The following SSU72 variants were observed in gnomAD, a reference collection of about 807,000 sequenced individuals.
SSU72 encodes SSU72 homolog, RNA polymerase II CTD phosphatase.
A neutral mutation model predicts 22.7 loss-of-function variants in SSU72; 12 were observed. The ratio of observed to expected loss-of-function variants is 0.53; its 90% CI spans 0.34 to 0.86. The LOEUF is 0.86. SSU72 is among the 40% of genes least tolerant of loss of function. The probability of loss-of-function intolerance (pLI) is 0.02; values close to 1 mark genes in which losing one functional copy is unlikely to be tolerated. For missense variants in SSU72, 151 were observed against 249.8 expected (o/e 0.60, Z 2.67); for synonymous variants, 116 against 98.3 (o/e 1.18, Z -1.06).
intron 1 of SSU72, among the ~76,000 whole-genome samples, chr1:1,567,907 T>C (rs1286746086): frequency 4.2e-5 from 2 of 47,848 alleles, no homozygotes; most frequent in Non-Finnish European, 6.0e-5. Flanking sequence ...AGCGATACTC[T>C]GTTTCAAAAA....
rs574966308 is a variant in SSU72 at position 1,554,511 on chromosome 1, T to C, written c.225-9509A>G. Among the ~76,000 whole-genome samples, 1 of 152,198 alleles carries C rather than the reference T, an allele frequency of 6.6e-6. No homozygotes were observed. The highest frequency in any genetic ancestry group is 2.4e-5 in the African/African-American group (1 of 41,538). The stretch of plus-strand genomic sequence containing the variant: ...TACCAGGAAACGCCCCAAACACAGC[T>C]CGGTTTTCCTTACCAAGGTTTTCTC... On this transcript the variant is annotated intron_variant, in intron 2 of 4. Coordinates refer to ENST00000291386, the MANE Select transcript of SSU72 (RefSeq NM_014188.3). This position sits in a 1 kb window ranked among gnomAD's most constrained non-coding sequence, Gnocchi z 4.1.
chr1:1,557,280 G>A (rs570508197), intron 2 of SSU72, among the ~76,000 whole-genome samples: 2 of 152,246 alleles, frequency 1.3e-5, no homozygotes, highest in African/African-American at 4.8e-5. Context: ...GGGTGTGGCA[G>A]TGCATGCCTA....
At chr1:1,550,068 C>A (rs35093489) in intron 2 of SSU72, among the ~76,000 whole-genome samples, 73,318 of 149,734 alleles carry the variant, frequency 0.49, 22,534 homozygotes, top group East Asian at 0.86. Flanking sequence ...ATTCCAGCCT[C>A]CTCCGGAGGC....
At chr1:1,567,360 T>C (rs1268135877) in intron 1 of SSU72, among the ~76,000 whole-genome samples, 2 of 152,074 alleles carry the variant, frequency 1.3e-5, no homozygotes, top group Non-Finnish European at 2.9e-5. Context: ...TCTCCAAACA[T>C]CTACCACACA....
chr1:1,556,236 T>G (rs1003713723), intron 2 of SSU72, among the ~76,000 whole-genome samples: 1 of 152,130 alleles, frequency 6.6e-6, no homozygotes, highest in African/African-American at 2.4e-5. Context: ...ATGGAGACCA[T>G]CCTGGCTAAC....
Position 1,546,864 on chromosome 1 carries a change from A to C in SSU72, c.225-1862T>G, listed in dbSNP as rs1366922017. ...TCTGGAAAACAACAACAACAACAAA[A>C]AAAAAAAAAAAAAAAAAAAAGGCCG... On this transcript the variant is annotated intron_variant, in intron 2 of 4. Coordinates refer to ENST00000291386, the MANE Select transcript of SSU72 (RefSeq NM_014188.3). Among the ~76,000 whole-genome samples the C allele has an allele frequency of 7.3e-4, 82 of 112,350 alleles. 1 individual carries two copies. In the South Asian group the frequency reaches 0.017, roughly 24 times the overall value. 73.7% of individuals were successfully genotyped at this position (112,350 alleles called of 152,430 possible).
Position 1,547,061 on chromosome 1 carries a change from G to A in SSU72, c.225-2059C>T, listed in dbSNP as rs114876684. Reference sequence around the variant, plus strand: ...GAAAAGAAAAAAAAGAGCTCAAGACGGCCTGACCTTGTTGTGTGCAGCCAC... The same window carrying A: ...GAAAAGAAAAAAAAGAGCTCAAGACAGCCTGACCTTGTTGTGTGCAGCCAC... On this transcript the variant is annotated intron_variant, in intron 2 of 4. Transcript: ENST00000291386. Among the ~76,000 whole-genome samples the A allele has an allele frequency of 4.0e-3, 615 of 151,938 alleles. 5 individuals carry two copies. Among genetic ancestry groups the A allele is most frequent in the Middle Eastern group, 0.014 (4 of 294 alleles).
chr1:1,574,444 C>CGG (rs1642782322), intron 1 of SSU72, 34 bp downstream of exon 1: 1 of 1,570,514 alleles, frequency 6.4e-7, no homozygotes, highest in Admixed American at 1.8e-5. Flanking sequence ...GTCGCCGGAG[C>CGG]AGAGCGCGCG....
chr1:1,557,561 A>G (rs1418393354), intron 2 of SSU72, among the ~76,000 whole-genome samples: 1 of 152,218 alleles, frequency 6.6e-6, no homozygotes, highest in Admixed American at 6.5e-5. Context: ...TGGAAGGCCA[A>G]AACAGGTGGT....
Position 1,574,745 on chromosome 1 carries a change from G to A in SSU72, c.-188C>T, listed in dbSNP as rs1228082275. 5.4e-5 allele frequency: 21 copies of A among 390,396 alleles called. 1 individual carries two copies. The highest frequency in any genetic ancestry group is 3.1e-4 in the East Asian group (6 of 19,330). The allele number at this position is 390,396 out of a possible 1,614,324, so 24.2% of individuals were successfully genotyped here. A position where few individuals can be genotyped will look rare whatever the true frequency, so the allele number is the denominator to read the frequency against. ...CCCTGGGCGCCGGGCCGCGGACGGAGCGCAGGCACTGGCCTTCGGGCGCGC... is the reference window on the plus strand; with the variant it reads ...CCCTGGGCGCCGGGCCGCGGACGGAACGCAGGCACTGGCCTTCGGGCGCGC... On this transcript the variant is annotated 5_prime_UTR_variant, in exon 1 of 5. Transcript: ENST00000291386.
intron 2 of SSU72, among the ~76,000 whole-genome samples, chr1:1,555,175 C>T (rs578220943): frequency 3.9e-4 from 59 of 152,298 alleles, no homozygotes; most frequent in Non-Finnish European, 5.3e-4. Flanking sequence ...AGAAGACTCC[C>T]CACATCAGAG....
chr1:1,558,668 T>C (rs1368891977), intron 2 of SSU72, among the ~76,000 whole-genome samples: 1 of 152,240 alleles, frequency 6.6e-6, no homozygotes, highest in East Asian at 1.9e-4. Flanking sequence ...GAACTTTCTG[T>C]AGGATCCTGT....
At chr1:1,550,051 A>C (rs1642437621) in intron 2 of SSU72, among the ~76,000 whole-genome samples, 1 of 108,950 alleles carries the variant, frequency 9.2e-6, no homozygotes, top group South Asian at 3.8e-4. Context: ...GGTGGTGCAC[A>C]CCTGTGATTC....
At chr1:1,558,551 C>T (rs1642548091) in intron 2 of SSU72, among the ~76,000 whole-genome samples, 2 of 152,218 alleles carry the variant, frequency 1.3e-5, no homozygotes, top group Admixed American at 1.3e-4. Flanking sequence ...ACAACAGTCA[C>T]ATTAACATTT....
intron 2 of SSU72, among the ~76,000 whole-genome samples, chr1:1,558,492 C>T (rs1642547318): frequency 6.6e-6 from 1 of 152,216 alleles, no homozygotes; most frequent in African/African-American, 2.4e-5. Flanking sequence ...TCCAGCTGCA[C>T]GGCCAGACGA....
intron 2 of SSU72, chr1:1,564,214 T>C (rs940780781): frequency 2.2e-5 from 7 of 314,588 alleles, no homozygotes; most frequent in Admixed American, 1.8e-4. Context: ...CTCTTCTCTC[T>C]ATAGGAGTCT....
chr1:1,574,370 C>T (rs910550980), intron 1 of SSU72, 108 bp downstream of exon 1: 3 of 1,235,516 alleles, frequency 2.4e-6, no homozygotes, highest in Non-Finnish European at 2.2e-6. Context: ...GAGCGCGGCC[C>T]GGCCCGGCTT....
chr1:1,556,301 G>A (rs1366423128), intron 2 of SSU72, among the ~76,000 whole-genome samples: 3 of 152,128 alleles, frequency 2.0e-5, no homozygotes, highest in Non-Finnish European at 4.4e-5. Context: ...GCGTGGTGGC[G>A]GCGTGCCTGT....
intron 4 of SSU72, 40 bp downstream of exon 4, chr1:1,543,829 C>T: frequency 1.9e-6 from 3 of 1,544,300 alleles, no homozygotes; most frequent in Non-Finnish European, 2.7e-6. Flanking sequence ...TCCCCTCTGT[C>T]ACAACCTCTG....
Sources: allele counts gnomAD v4.1 joint callset (sites outside exome capture counted in the v4.1 genomes callset), GRCh38; gene constraint gnomAD v4.1.1; non-coding constraint Gnocchi (gnomAD v3.1); transcripts MANE v1.5; gene names NCBI Gene and HGNC (gene_info 2026-07-23, HGNC 2026-07-21).